Variants in SESTD1 observed in about 807,000 individuals in gnomAD.
SESTD1 encodes the protein SEC14 and spectrin domain containing 1.
A neutral mutation model predicts 101.7 loss-of-function variants in SESTD1; 43 were observed. The ratio of observed to expected loss-of-function variants is 0.42; its 90% confidence interval spans 0.33 to 0.55. The LOEUF is 0.55. SESTD1 is among the 20% of genes least tolerant of loss of function. The probability of loss-of-function intolerance (pLI) is 0.07; values close to 1 mark genes in which losing one functional copy is unlikely to be tolerated. For missense variants in SESTD1, 647 were observed against 815.1 expected (o/e 0.79, Z 2.51); for synonymous variants, 283 against 286.8 (o/e 0.99, Z 0.13).
chr2:179,233,574 C>A (rs552873894), intron 1 of SESTD1, among the ~76,000 whole-genome samples: 1 of 152,292 alleles, frequency 6.6e-6, no homozygotes, highest in South Asian at 2.1e-4. Context: ...TTGCCTCAGT[C>A]TCCCAAGTAG....
At chr2:179,207,320 C>CA (rs1215935967) in intron 1 of SESTD1, among the ~76,000 whole-genome samples, 2 of 135,144 alleles carry the variant, frequency 1.5e-5, no homozygotes, top group Admixed American at 7.2e-5. Flanking sequence ...AACCCTGCTC[C>CA]AAAAAAGGAG....
intron 8 of SESTD1, among the ~76,000 whole-genome samples, chr2:179,145,870 T>A (rs1156347867): frequency 6.6e-6 from 1 of 152,186 alleles, no homozygotes; most frequent in Non-Finnish European, 1.5e-5. Context: ...GTCTGGCACA[T>A]AAGGAGTGTT....
chr2:179,192,897 C>G (rs1424637231), intron 1 of SESTD1, among the ~76,000 whole-genome samples: 1 of 152,214 alleles, frequency 6.6e-6, no homozygotes, highest in African/African-American at 2.4e-5. Flanking sequence ...CATCACAACA[C>G]AGAGCAGTTC....
At chr2:179,181,803 T>A (rs2046117138) in intron 3 of SESTD1, among the ~76,000 whole-genome samples, 1 of 152,170 alleles carries the variant, frequency 6.6e-6, no homozygotes, top group Non-Finnish European at 1.5e-5. Context: ...CATGGTTACC[T>A]AAAAAGCAGT....
chr2:179,192,764 AAAC>A (rs1020571573), intron 1 of SESTD1, among the ~76,000 whole-genome samples: 4 of 152,198 alleles, frequency 2.6e-5, no homozygotes, highest in African/African-American at 7.2e-5. Context: ...CTTTCAAACA[AAAC>A]AACAACAAAA....
intron 1 of SESTD1, among the ~76,000 whole-genome samples, chr2:179,203,448 A>T (rs903794537): frequency 1.5e-5 from 2 of 132,480 alleles, no homozygotes; most frequent in South Asian, 3.0e-4. Flanking sequence ...GGAGGGGAAC[A>T]GTTCAGAGAG....
In SESTD1 at chr2:179,109,638, A is replaced by G; in HGVS notation, c.*261T>C. 2.2e-6 allele frequency: 1 copy of G among 454,964 alleles called. No homozygotes were observed. The highest frequency in any genetic ancestry group is 3.9e-6 in the Non-Finnish European group (1 of 258,696). The allele number at this position is 454,964 out of a possible 1,614,324, so 28.2% of individuals were successfully genotyped here. A position where few individuals can be genotyped will look rare whatever the true frequency, so the allele number is the denominator to read the frequency against. On this transcript the variant is annotated 3_prime_UTR_variant, in exon 18 of 18. Coordinates refer to ENST00000428443, the MANE Select transcript of SESTD1 (RefSeq NM_178123.5). ...TTGTTTGTCTACAAACTGACAGGTC[A>G]GGTAAAGCTTTAAAGCAAGTTTTCA...
chr2:179,221,978 C>T (rs1462101905), intron 1 of SESTD1, among the ~76,000 whole-genome samples: 1 of 152,004 alleles, frequency 6.6e-6, no homozygotes, highest in Non-Finnish European at 1.5e-5. Context: ...AGTAAAACTA[C>T]TGAAACAATA....
At chr2:179,183,882 A>G (rs1267639022) in intron 2 of SESTD1, among the ~76,000 whole-genome samples, 4 of 146,376 alleles carry the variant, frequency 2.7e-5, no homozygotes, top group South Asian at 4.7e-4. Flanking sequence ...GGAAGGAAGG[A>G]AGGGAGGAAA....
chr2:179,241,237 C>T (rs2047147952), intron 1 of SESTD1, among the ~76,000 whole-genome samples: 1 of 151,984 alleles, frequency 6.6e-6, no homozygotes, highest in African/African-American at 2.4e-5. Context: ...AAAGATCAAA[C>T]ATTTGTTTCA....
At chr2:179,141,601 T>G (rs1391824425) in intron 9 of SESTD1, among the ~76,000 whole-genome samples, 1 of 152,106 alleles carries the variant, frequency 6.6e-6, no homozygotes, top group Non-Finnish European at 1.5e-5. Context: ...TTACCTTCTT[T>G]AATTCTTGTA....
At chr2:179,185,252 G>GA (rs1289961002) in intron 2 of SESTD1, among the ~76,000 whole-genome samples, 21 of 150,428 alleles carry the variant, frequency 1.4e-4, no homozygotes, top group African/African-American at 4.6e-4. Flanking sequence ...GTATAGAAGA[G>GA]AAAAAACTGC....
Position 179,107,611 on chromosome 2 carries a change from A to G in SESTD1, c.*2288T>C, listed in dbSNP as rs1386345206. 1 of 152,186 alleles carries G rather than the reference A, an allele frequency of 6.6e-6. No individual in the cohort carries two copies. Among genetic ancestry groups the G allele is most frequent in the African/African-American group, 2.4e-5 (1 of 41,446 alleles). The allele number at this position is 152,186 out of a possible 1,614,324, so 9.4% of individuals were successfully genotyped here. On this transcript the variant is annotated 3_prime_UTR_variant, in exon 18 of 18. Transcript: ENST00000428443. ...AGTTAGTATCTAAGAATCTAAGAATAGATTCACTTGTAAGTCAGTTCTAAC... is the reference window on the plus strand; with the variant it reads ...AGTTAGTATCTAAGAATCTAAGAATGGATTCACTTGTAAGTCAGTTCTAAC...
At chr2:179,159,924 A>G (rs528100261) in intron 5 of SESTD1, among the ~76,000 whole-genome samples, 8 of 152,326 alleles carry the variant, frequency 5.3e-5, no homozygotes, top group African/African-American at 1.9e-4. Flanking sequence ...GCACGATCTC[A>G]GCTCACTGCA....
At position 179,176,526 on chromosome 2, in the gene SESTD1, C is replaced by T. The variant is rs1293007337; in HGVS notation, c.177G>A (p.Lys59=). The T allele has an allele frequency of 2.5e-6, 4 of 1,612,748 alleles. No homozygotes were observed. Among genetic ancestry groups the T allele is most frequent in the Admixed American group, 1.7e-5 (1 of 59,910 alleles). Residue 59 remains lysine, a synonymous_variant, in exon 4 of 18, where the codon AAG becomes AAA. Transcript: ENST00000428443. ...YLLSIPSEKC[K]ARGFTVIVDG... Reference sequence around the variant, plus strand: ...CCACAATCACGGTAAATCCTCTAGCCTTACACTTCTCACTGAAACAAAATA... The same window carrying T: ...CCACAATCACGGTAAATCCTCTAGCTTTACACTTCTCACTGAAACAAAATA...
intron 1 of SESTD1, among the ~76,000 whole-genome samples, chr2:179,209,907 T>TG (rs1208855246): frequency 7.8e-6 from 1 of 128,738 alleles, no homozygotes; most frequent in Non-Finnish European, 1.7e-5. Context: ...AAAAGATAAA[T>TG]GAAAAAAAAG....
intron 13 of SESTD1, among the ~76,000 whole-genome samples, chr2:179,121,557 C>T (rs968259332): frequency 1.3e-5 from 2 of 150,492 alleles, no homozygotes; most frequent in Non-Finnish European, 3.0e-5. Flanking sequence ...TTTTTACAAC[C>T]CAATAAAAAG....
At chr2:179,118,201 A>AT (rs995286579) in intron 13 of SESTD1, among the ~76,000 whole-genome samples, 9 of 152,016 alleles carry the variant, frequency 5.9e-5, no homozygotes, top group East Asian at 1.9e-4. Context: ...TTTAATTCTG[A>AT]TTTTTTTTAA....
intron 1 of SESTD1, among the ~76,000 whole-genome samples, chr2:179,194,496 T>C (rs762328685): frequency 5.3e-5 from 8 of 152,216 alleles, no homozygotes; most frequent in Non-Finnish European, 1.0e-4. Context: ...TGGCAGGACA[T>C]GTATATTATT....
Sources: allele counts gnomAD v4.1 joint callset (sites outside exome capture counted in the v4.1 genomes callset), GRCh38; gene constraint gnomAD v4.1.1; transcripts MANE v1.5; gene names NCBI Gene and HGNC (gene_info 2026-07-23, HGNC 2026-07-21).